Variants in CAPN14 observed in about 807,000 individuals in gnomAD.
The protein encoded by CAPN14 is calpain 14.
In CAPN14, 94 loss-of-function variants were observed where a neutral mutation model predicts 101.3. That is an observed-to-expected ratio of 0.93 (90% CI 0.79 to 1.10). CAPN14 has a LOEUF of 1.10. Among genes scored for constraint, CAPN14 ranks in the 50% least tolerant of loss-of-function variants. The pLI is 0.00. For synonymous variants in CAPN14, 338 were observed against 317.9 expected, an observed-to-expected ratio of 1.06 and a Z score of -0.67; for missense variants, 837 against 828.4, an observed-to-expected ratio of 1.01 and a Z score of -0.13.
Position 31,191,989 on chromosome 2 carries a change from C to A in CAPN14, c.1224G>T (p.Arg408Ser). ...SVLVSLLQKP[R>S]HRCRKRKPLL... is the part of the protein sequence containing the mutation. ...GAGGCTTCCGCTTGCGGCACCTGTG[C>A]CTGGGCTTCTGGAGCAGGGACACCA... Residue 408 changes from arginine (R) to serine (S), a missense_variant, in exon 11 of 22, where the codon AGG (arginine) becomes AGT (serine). Arg to Ser is a moderately radical substitution (Grantham distance 110). Coordinates refer to ENST00000403897, the MANE Select transcript of CAPN14 (RefSeq NM_001145122.2). 6.4e-7 allele frequency: 1 copy of A among 1,551,618 alleles called. No individual in the cohort carries two copies. Among genetic ancestry groups the A allele is most frequent in the Non-Finnish European group, 8.7e-7 (1 of 1,146,956 alleles).
In CAPN14 at chr2:31,189,689, C is replaced by T. The variant is rs928407740; in HGVS notation, c.1288-211G>A. 1.5e-4 allele frequency: 103 copies of T among 667,548 alleles called. 2 individuals carry two copies. The Admixed American group carries it at 2.0e-3, about 13-fold the overall frequency. The allele number at this position is 667,548 out of a possible 1,614,324, so 41.4% of individuals were successfully genotyped here. On this transcript the variant is annotated intron_variant, in intron 12 of 21. Transcript: ENST00000403897. The stretch of plus-strand genomic sequence containing the variant: ...CACCTTTGCTGGAACCTATCAGGGG[C>T]TACATAAACACGTGTCATTTGATTT...
Position 31,215,630 on chromosome 2 carries a change from T to C in CAPN14, c.-53+1826A>G, listed in dbSNP as rs187648410. Among the ~76,000 whole-genome samples the C allele has an allele frequency of 5.8e-3, 877 of 152,014 alleles. 5 individuals carry two copies. The highest frequency in any genetic ancestry group is 8.5e-3 in the Non-Finnish European group (576 of 67,994). ...AGCCTTCCCTGGAAACCTCTTGTCT[T>C]CTCCTTGTGGGGCTTTCCTGCCCTT... On this transcript the variant is annotated intron_variant, in intron 1 of 21. Coordinates refer to ENST00000403897, the MANE Select transcript of CAPN14 (RefSeq NM_001145122.2).
intron 1 of CAPN14, among the ~76,000 whole-genome samples, chr2:31,215,848 G>T: frequency 7.4e-6 from 1 of 134,416 alleles, no homozygotes; most frequent in African/African-American, 2.7e-5. Flanking sequence ...TCTTAAAAAA[G>T]AAAAAAAAAA....
chr2:31,215,585 C>A (rs1558636110), intron 1 of CAPN14, among the ~76,000 whole-genome samples: 4 of 152,122 alleles, frequency 2.6e-5, no homozygotes. Context: ...AAGCTCAGGG[C>A]AAATGTCCCT....
chr2:31,188,631 GATCAA>G (rs1681027789), intron 13 of CAPN14, among the ~76,000 whole-genome samples: 1 of 152,162 alleles, frequency 6.6e-6, no homozygotes, highest in Non-Finnish European at 1.5e-5. Flanking sequence ...GCCTGCCTGA[GATCAA>G]ATCAAACTAC....
In CAPN14 at chr2:31,174,756, A is replaced by T. The variant is rs1363268349; in HGVS notation, c.2029-49T>A. 5.2e-6 allele frequency: 8 copies of T among 1,544,190 alleles called. No individual in the cohort carries two copies. In the East Asian group the frequency reaches 2.0e-4, roughly 38 times the overall value. Reference sequence around the variant, plus strand: ...GATGGTCAGTTCAGACCCACGTCTCATCTGGGCCTCCCCATCCCACACTCC... The same window carrying T: ...GATGGTCAGTTCAGACCCACGTCTCTTCTGGGCCTCCCCATCCCACACTCC... On this transcript the variant is annotated intron_variant, in intron 21 of 21. Transcript: ENST00000403897.
chr2:31,193,068 GTCATTCTGACAC>G, intron 10 of CAPN14, 51 bp downstream of exon 10: 1 of 1,461,490 alleles, frequency 6.8e-7, no homozygotes, highest in South Asian at 1.3e-5. Flanking sequence ...CCCCTGTGCA[GTCATTCTGACAC>G]CCCCGCCCAC....
intron 1 of CAPN14, among the ~76,000 whole-genome samples, chr2:31,208,167 A>G (rs1489539899): frequency 6.6e-6 from 1 of 150,982 alleles, no homozygotes; most frequent in Admixed American, 6.6e-5. Context: ...GACTCCAAAA[A>G]AAAACTCCAA....
At chr2:31,212,341 A>G (rs940213716) in intron 1 of CAPN14, among the ~76,000 whole-genome samples, 2 of 151,866 alleles carry the variant, frequency 1.3e-5, no homozygotes, top group African/African-American at 4.8e-5. Context: ...AAAAAACACA[A>G]TGTGGTACAT....
chr2:31,178,598 T>C lies in CAPN14; in HGVS notation c.1711-19A>G. ...CATTAAGCTGATTAATAGGTTAAGG[T>C]AAAAGCTTCCAGGGAGAGTTCTATC... On this transcript the variant is annotated intron_variant, in intron 17 of 21. Transcript: ENST00000403897. 5 of 1,490,750 alleles carry C rather than the reference T, an allele frequency of 3.4e-6. No homozygotes were observed. The highest frequency in any genetic ancestry group is 4.5e-6 in the Non-Finnish European group (5 of 1,114,218). 92.3% of individuals were successfully genotyped at this position (1,490,750 alleles called of 1,614,324 possible).
chr2:31,221,176 G>A (rs913038030), upstream of CAPN14, among the ~76,000 whole-genome samples: 1 of 152,122 alleles, frequency 6.6e-6, no homozygotes, highest in South Asian at 2.1e-4. Context: ...AATAAACACA[G>A]ACAAGCTATT....
chr2:31,193,960 G>A (rs1358420623), intron 9 of CAPN14, among the ~76,000 whole-genome samples: 1 of 152,098 alleles, frequency 6.6e-6, no homozygotes, highest in Non-Finnish European at 1.5e-5. Context: ...ATCAGCTCAG[G>A]ATGTCTTGGT....
Position 31,200,734 on chromosome 2 carries a change from A to G in CAPN14, c.552-109T>C, listed in dbSNP as rs1681716204. The G allele has an allele frequency of 2.8e-6, 3 of 1,074,500 alleles. No homozygotes were observed. The African/African-American group carries it at 4.8e-5, about 17-fold the overall frequency. 66.6% of individuals were successfully genotyped at this position (1,074,500 alleles called of 1,614,324 possible). A position where few individuals can be genotyped will look rare whatever the true frequency, so the allele number is the denominator to read the frequency against. On this transcript the variant is annotated intron_variant, in intron 5 of 21. Transcript: ENST00000403897. ...ATAGGAGTCTAGTTTTCTCATACCA[A>G]AAGCAGAGCTCAGGCAACCCTGACA... is the stretch of plus-strand genomic sequence containing the variant.
chr2:31,210,471 A>G (rs1273357693), intron 1 of CAPN14, among the ~76,000 whole-genome samples: 7 of 27,774 alleles, frequency 2.5e-4, no homozygotes. Flanking sequence ...ATAAAATAAA[A>G]TAAAATAAAA....
At chr2:31,225,963 G>C (rs1039778125) in intron 2 of CAPN14, among the ~76,000 whole-genome samples, 3 of 152,044 alleles carry the variant, frequency 2.0e-5, no homozygotes, top group Non-Finnish European at 4.4e-5. Flanking sequence ...ACTAGTAAGG[G>C]AGGGCGACTA....
intron 3 of CAPN14, 31 bp downstream of exon 3, chr2:31,203,039 G>C (rs908079947): frequency 6.5e-7 from 1 of 1,536,770 alleles, no homozygotes; most frequent in African/African-American, 1.4e-5. Flanking sequence ...AGGCAGCCTA[G>C]TGTCTGTCTC....
rs116074926 is a variant in CAPN14 at position 31,200,882 on chromosome 2, C to A, written c.552-257G>T. 0.032 allele frequency among the ~76,000 whole-genome samples: 4,805 copies of A among 152,236 alleles called. 82 individuals are homozygous for A. Among genetic ancestry groups the A allele is most frequent in the Non-Finnish European group, 0.038 (2,594 of 68,018 alleles). ...TTTCCCACCACTTCCTTTAAATGGA[C>A]CATTCAGACGTTTGCCTGAGAACTT... On this transcript the variant is annotated intron_variant, in intron 5 of 21. Coordinates refer to ENST00000403897, the MANE Select transcript of CAPN14 (RefSeq NM_001145122.2).
At chr2:31,201,519 T>C (rs1681778531) in intron 5 of CAPN14, among the ~76,000 whole-genome samples, 1 of 152,160 alleles carries the variant, frequency 6.6e-6, no homozygotes, top group Non-Finnish European at 1.5e-5. Flanking sequence ...GCATTTAAAC[T>C]GTAGATTAGA....
upstream of CAPN14, among the ~76,000 whole-genome samples, chr2:31,218,171 T>C (rs1251479175): frequency 1.3e-5 from 2 of 152,122 alleles, no homozygotes; most frequent in Admixed American, 1.3e-4. Flanking sequence ...ATCTGGTTGT[T>C]CTTCCCTTAA....
Sources: gnomAD v4.1 joint callset for allele counts (sites outside exome capture counted in the v4.1 genomes callset) on GRCh38, gnomAD v4.1.1 for gene constraint, MANE v1.5 for transcripts, NCBI Gene and HGNC (gene_info 2026-07-23, HGNC 2026-07-21) for gene names.